The following TULP4 variants were observed in gnomAD, a reference collection of about 807,000 sequenced individuals.
The protein encoded by TULP4 is TUB like protein 4, also known as tubby-related protein 4.
Under a neutral mutation model 129.0 loss-of-function variants are expected in TULP4, and 16 were observed. That is an observed-to-expected ratio of 0.12 (90% CI 0.08 to 0.19). TULP4 has a LOEUF of 0.19. TULP4 is among the 10% of genes least tolerant of loss of function. The pLI is 1.00. For missense variants in TULP4, 1,842 were observed against 2,059.1 expected (o/e 0.89, Z 2.04); for synonymous variants, 998 against 854.0 (o/e 1.17, Z -2.94).
intron 3 of TULP4, among the ~76,000 whole-genome samples, chr6:158,433,871 A>G (rs1583870931): frequency 6.6e-6 from 1 of 152,204 alleles, no homozygotes; most frequent in African/African-American, 2.4e-5. Context: ...AGGACTCTGT[A>G]TTAGTTTGCT....
chr6:158,378,384 AAGAATAATTTT>A (rs1777239840), intron 1 of TULP4, among the ~76,000 whole-genome samples: 1 of 151,442 alleles, frequency 6.6e-6, no homozygotes, highest in Non-Finnish European at 1.5e-5. Flanking sequence ...CTTAAAAGGA[AAGAATAATTTT>A]AGGGTTTCTA....
intron 11 of TULP4, 107 bp from the exon 12 acceptor site, chr6:158,498,562 C>A: frequency 7.1e-7 from 1 of 1,399,938 alleles, no homozygotes; most frequent in Non-Finnish European, 1.0e-6. Context: ...GATCTGTCTT[C>A]TGATGGCAGG....
At chr6:158,471,559 G>A (rs551307210) in intron 6 of TULP4, among the ~76,000 whole-genome samples, 105 of 152,308 alleles carry the variant, frequency 6.9e-4, no homozygotes, top group Non-Finnish European at 1.4e-3. Context: ...AGTTGTGGTT[G>A]GATAGGGACT....
intron 3 of TULP4, among the ~76,000 whole-genome samples, chr6:158,443,325 C>T (rs1019554472): frequency 3.3e-5 from 5 of 151,894 alleles, no homozygotes; most frequent in African/African-American, 7.3e-5. Flanking sequence ...CCATGTTGAC[C>T]GGGCTGGTTT....
At chr6:158,256,287 G>T (rs574475714) in intron 1 of TULP4, among the ~76,000 whole-genome samples, 9 of 152,300 alleles carry the variant, frequency 5.9e-5, no homozygotes, top group Admixed American at 2.0e-4. Flanking sequence ...GTGCGTGCAT[G>T]TGTGTATGTG....
At position 158,443,283 on chromosome 6, in the gene TULP4, A is replaced by C. The variant is rs1778942555; in HGVS notation, c.544-5713A>C. ...AGACGTGAGCCACCGCACCCAGCCA[A>C]TTTTTGCATTTTTAGTAGAGATGGG... is the stretch of plus-strand genomic sequence containing the variant. On this transcript the variant is annotated intron_variant, in intron 3 of 13. Transcript: ENST00000367097. Among the ~76,000 whole-genome samples, 3 of 151,736 alleles carry C rather than the reference A, an allele frequency of 2.0e-5. No individual in the cohort carries two copies. The South Asian group carries it at 6.2e-4, about 32-fold the overall frequency.
intron 1 of TULP4, among the ~76,000 whole-genome samples, chr6:158,233,985 T>C (rs188190949): frequency 2.8e-4 from 42 of 152,274 alleles, no homozygotes; most frequent in African/African-American, 9.4e-4. Flanking sequence ...AGTGCTGAAT[T>C]AGAGGGAGGA....
chr6:158,319,926 A>G (rs1034693981), intron 1 of TULP4, among the ~76,000 whole-genome samples: 5 of 152,162 alleles, frequency 3.3e-5, no homozygotes, highest in African/African-American at 9.7e-5. Flanking sequence ...TTCTAATCAG[A>G]TGGTGAAAAT....
chr6:158,357,158 C>T (rs1392037020), intron 1 of TULP4, among the ~76,000 whole-genome samples: 2 of 152,252 alleles, frequency 1.3e-5, no homozygotes, highest in Non-Finnish European at 2.9e-5. Flanking sequence ...CTGCAGCACC[C>T]TCTCTGGATA....
At chr6:158,310,073 T>C (rs1212534098), upstream of TULP4, among the ~76,000 whole-genome samples, 1 of 152,200 alleles carries the variant, frequency 6.6e-6, no homozygotes, top group Non-Finnish European at 1.5e-5. Flanking sequence ...TTGTCATTCA[T>C]ACTTTTTAGT....
intron 1 of TULP4, among the ~76,000 whole-genome samples, chr6:158,405,499 A>G (rs866631130): frequency 3.9e-5 from 6 of 152,206 alleles, no homozygotes; most frequent in Middle Eastern, 3.2e-3. Flanking sequence ...CATTAAGCAC[A>G]TGATTTACAG....
intron 2 of TULP4, among the ~76,000 whole-genome samples, chr6:158,420,873 T>C (rs1012885044): frequency 6.6e-6 from 1 of 152,206 alleles, no homozygotes; most frequent in Non-Finnish European, 1.5e-5. Flanking sequence ...ATCTAAATTA[T>C]AATGAAAACA....
chr6:158,473,580 G>A (rs1056173720), intron 6 of TULP4, among the ~76,000 whole-genome samples: 10 of 152,276 alleles, frequency 6.6e-5, no homozygotes, highest in South Asian at 2.1e-4. Flanking sequence ...GTGCAATGGC[G>A]CGATCTCAGC....
intron 1 of TULP4, among the ~76,000 whole-genome samples, chr6:158,314,719 C>T (rs1779448972): frequency 6.6e-6 from 1 of 152,232 alleles, no homozygotes; most frequent in African/African-American, 2.4e-5. Flanking sequence ...GCACGGTTAA[C>T]ATCTACGTTC....
At chr6:158,261,270 A>G (rs1361643195) in intron 1 of TULP4, among the ~76,000 whole-genome samples, 2 of 152,192 alleles carry the variant, frequency 1.3e-5, no homozygotes, top group African/African-American at 4.8e-5. Context: ...CATAATTTAT[A>G]TTTTTGTTTA....
chr6:158,402,938 TAAC>T (rs1005314151), intron 1 of TULP4, among the ~76,000 whole-genome samples: 1 of 148,494 alleles, frequency 6.7e-6, no homozygotes, highest in African/African-American at 2.5e-5. Context: ...TAACAACCGA[TAAC>T]AGCACACAAT....
intron 1 of TULP4, among the ~76,000 whole-genome samples, chr6:158,380,928 AG>A (rs1777309871): frequency 6.9e-6 from 1 of 144,314 alleles, no homozygotes; most frequent in Non-Finnish European, 1.6e-5. Context: ...AGAAGAAGAA[AG>A]AGGTTTCAAA....
chr6:158,435,577 C>G (rs1278065526), intron 3 of TULP4, among the ~76,000 whole-genome samples: 2 of 152,164 alleles, frequency 1.3e-5, no homozygotes, highest in African/African-American at 4.8e-5. Context: ...CCTCAGACCT[C>G]TCCCCTTTTT....
At chr6:158,489,518 T>C (rs1780148821) in intron 8 of TULP4, 70 bp from the exon 9 acceptor site, 4 of 1,585,712 alleles carry the variant, frequency 2.5e-6, no homozygotes, top group Non-Finnish European at 3.5e-6. Flanking sequence ...TTTTAGTTTA[T>C]AGTAATGATC....
Sources: gnomAD v4.1 joint callset for allele counts (sites outside exome capture counted in the v4.1 genomes callset) on GRCh38, gnomAD v4.1.1 for gene constraint, MANE v1.5 for transcripts, NCBI Gene and HGNC (gene_info 2026-07-23, HGNC 2026-07-21) for gene names.